Variants in ZNF664 observed in about 807,000 individuals in gnomAD.
The protein encoded by ZNF664 is zinc finger protein 664.
In ZNF664, 10 loss-of-function variants were observed where a neutral mutation model predicts 18.2. The observed-to-expected ratio is 0.55, with a 90% CI of 0.34 to 0.93. ZNF664 has a LOEUF of 0.93. Among genes scored for constraint, ZNF664 ranks in the 40% least tolerant of loss-of-function variants. The probability of loss-of-function intolerance (pLI) is 0.02; values close to 1 mark genes in which losing one functional copy is unlikely to be tolerated. For synonymous variants in ZNF664, 119 were observed against 104.2 expected (o/e 1.14, Z -0.86); for missense variants, 193 against 319.0 (o/e 0.61, Z 3.01).
chr12:123,996,670 G>A (rs1213498921), intron 3 of ZNF664, among the ~76,000 whole-genome samples: 1 of 152,182 alleles, frequency 6.6e-6, no homozygotes, highest in Non-Finnish European at 1.5e-5. Flanking sequence ...AAATCAGACA[G>A]AGTGGACAGA....
At chr12:124,000,205 A>G (rs1229579982) in intron 3 of ZNF664, among the ~76,000 whole-genome samples, 3 of 151,742 alleles carry the variant, frequency 2.0e-5, no homozygotes, top group South Asian at 4.2e-4. Context: ...GGGTCATGCC[A>G]CTCTCCCACC....
intron 2 of ZNF664, 35 bp downstream of exon 2, chr12:123,974,055 G>T: frequency 9.8e-7 from 1 of 1,020,808 alleles, no homozygotes; most frequent in South Asian, 4.9e-5. Context: ...ACTTCCCTCT[G>T]ACTCCCGCCT....
At position 124,011,362 on chromosome 12, in the gene ZNF664, T is replaced by G; in HGVS notation, c.-660-19T>G. Reference sequence around the variant, plus strand: ...GAGCTGTAAACAGGAGCATGATATCTACAAATTCTCTCCTTCAGACCTGCA... The same window carrying G: ...GAGCTGTAAACAGGAGCATGATATCGACAAATTCTCTCCTTCAGACCTGCA... On this transcript the variant is annotated intron_variant, in intron 3 of 4. Coordinates refer to ENST00000337815, the MANE Select transcript of ZNF664 (RefSeq NM_152437.3). 1.2e-6 allele frequency: 1 copy of G among 803,332 alleles called. No homozygotes were observed. 49.8% of individuals were successfully genotyped at this position (803,332 alleles called of 1,614,324 possible). A position where few individuals can be genotyped will look rare whatever the true frequency, so the allele number is the denominator to read the frequency against.
intron 3 of ZNF664, among the ~76,000 whole-genome samples, chr12:123,995,449 A>G (rs1284661930): frequency 6.6e-6 from 1 of 152,154 alleles, no homozygotes; most frequent in Non-Finnish European, 1.5e-5. Context: ...GAGGCTGATA[A>G]CGCTGCTCCA....
At chr12:123,998,348 A>G (rs886302875) in intron 3 of ZNF664, 1 of 152,136 alleles carries the variant, frequency 6.6e-6, no homozygotes, top group Non-Finnish European at 1.5e-5. Flanking sequence ...TTATAGGTGG[A>G]CTACTATCTC....
At chr12:123,986,262 C>CT (rs1439377234) in intron 2 of ZNF664, among the ~76,000 whole-genome samples, 1 of 152,184 alleles carries the variant, frequency 6.6e-6, no homozygotes, top group East Asian at 1.9e-4. Context: ...ATTCAGACCA[C>CT]TTTCTGTACA....
rs536282747 is a variant in ZNF664 at position 124,000,653 on chromosome 12, G to A, written c.-660-10728G>A. On this transcript the variant is annotated intron_variant, in intron 3 of 4. Coordinates refer to ENST00000337815, the MANE Select transcript of ZNF664 (RefSeq NM_152437.3). ...GACAACGATCCCTAGAAATTCCCTC[G>A]TGCATCTTTCTAGTCATTAGCCCCT... Among the ~76,000 whole-genome samples the A allele has an allele frequency of 7.9e-5, 12 of 152,240 alleles. 1 individual carries two copies. In the South Asian group the frequency reaches 1.9e-3, roughly 24 times the overall value.
At chr12:124,002,490 G>C (rs1957024229) in intron 3 of ZNF664, among the ~76,000 whole-genome samples, 2 of 152,226 alleles carry the variant, frequency 1.3e-5, no homozygotes, top group South Asian at 4.1e-4. Context: ...ATGAAAGCCA[G>C]AGAGACCTGT....
intron 2 of ZNF664, among the ~76,000 whole-genome samples, chr12:123,975,832 C>G (rs1039497546): frequency 2.0e-5 from 3 of 152,128 alleles, no homozygotes; most frequent in Non-Finnish European, 4.4e-5. Flanking sequence ...AGCTTATTTC[C>G]TTAGAGTTGT....
chr12:124,000,509 C>T (rs948915548), intron 3 of ZNF664, among the ~76,000 whole-genome samples: 1 of 152,084 alleles, frequency 6.6e-6, no homozygotes, highest in Non-Finnish European at 1.5e-5. Context: ...TATTTCTTCC[C>T]TGAACTTTTC....
At chr12:123,988,698 T>C (rs1414504626) in intron 3 of ZNF664, among the ~76,000 whole-genome samples, 1 of 152,200 alleles carries the variant, frequency 6.6e-6, no homozygotes, top group African/African-American at 2.4e-5. Flanking sequence ...TGATTCTGAG[T>C]GTCATTGTGT....
intron 2 of ZNF664, among the ~76,000 whole-genome samples, chr12:123,984,490 A>G (rs1199941108): frequency 1.3e-5 from 2 of 152,138 alleles, no homozygotes; most frequent in African/African-American, 4.8e-5. Flanking sequence ...GAGACAGGGT[A>G]GCTAGAGAAG....
chr12:124,001,534 G>A (rs1957012365), intron 3 of ZNF664, among the ~76,000 whole-genome samples: 2 of 151,944 alleles, frequency 1.3e-5, no homozygotes, highest in Admixed American at 1.3e-4. Context: ...CCTTTCCCTC[G>A]GGTCATGTAT....
In ZNF664 at chr12:124,013,266, T is replaced by G. The variant is rs1957154049; in HGVS notation, c.*336T>G. On this transcript the variant is annotated 3_prime_UTR_variant, in exon 5 of 5. Coordinates refer to ENST00000337815, the MANE Select transcript of ZNF664 (RefSeq NM_152437.3). ...CTCCTGAGTCACCTTCTATCTATAC[T>G]TTGCTTAAAAGCTATCCCAGATACT... 1 of 315,138 alleles carries G rather than the reference T, an allele frequency of 3.2e-6. No homozygotes were observed. The highest frequency in any genetic ancestry group is 6.1e-6 in the Non-Finnish European group (1 of 162,614). The allele number at this position is 315,138 out of a possible 1,614,324, so 19.5% of individuals were successfully genotyped here.
chr12:123,978,437 G>C (rs1387432353), intron 2 of ZNF664, among the ~76,000 whole-genome samples: 2 of 152,140 alleles, frequency 1.3e-5, no homozygotes, highest in African/African-American at 2.4e-5. Flanking sequence ...AGCAAAACTA[G>C]AAAACATTTA....
At chr12:123,978,897 A>G (rs890457181) in intron 2 of ZNF664, among the ~76,000 whole-genome samples, 1 of 152,234 alleles carries the variant, frequency 6.6e-6, no homozygotes, top group African/African-American at 2.4e-5. Flanking sequence ...GTGTTTTGCA[A>G]CAGTTGGGAA....
chr12:124,007,814 C>G (rs1957090629), intron 3 of ZNF664, among the ~76,000 whole-genome samples: 1 of 151,882 alleles, frequency 6.6e-6, no homozygotes, highest in African/African-American at 2.4e-5. Flanking sequence ...ACCACATTTG[C>G]TTTGTCTGCT....
intron 3 of ZNF664, among the ~76,000 whole-genome samples, chr12:123,994,810 T>C (rs1012550786): frequency 1.3e-5 from 2 of 152,226 alleles, no homozygotes; most frequent in African/African-American, 4.8e-5. Flanking sequence ...ATAGATCTTT[T>C]ACAAACTGTG....
chr12:124,005,524 T>A (rs9300261), intron 3 of ZNF664, among the ~76,000 whole-genome samples: 2,744 of 147,224 alleles, frequency 0.019, 28 homozygotes, highest in East Asian at 0.054. Context: ...TGTGTGTGTG[T>A]GAGAGATAGG....
Sources: gnomAD v4.1 joint callset for allele counts (sites outside exome capture counted in the v4.1 genomes callset) on GRCh38, gnomAD v4.1.1 for gene constraint, MANE v1.5 for transcripts, NCBI Gene and HGNC (gene_info 2026-07-23, HGNC 2026-07-21) for gene names.